The following SPATA13 variants were observed in gnomAD, a reference collection of about 807,000 sequenced individuals.
SPATA13 encodes spermatogenesis associated 13.
Under a neutral mutation model 104.0 loss-of-function variants are expected in SPATA13, and 50 were observed. The observed-to-expected ratio is 0.48, with a 90% CI of 0.38 to 0.61. The LOEUF is 0.61. Ranked by LOEUF, SPATA13 falls within the 20% of genes least tolerant of loss-of-function variation. The probability of loss-of-function intolerance (pLI) is 0.00; values close to 1 mark genes in which losing one functional copy is unlikely to be tolerated. For missense variants in SPATA13, 1,524 were observed against 1,690.6 expected (o/e 0.90, Z 1.73); for synonymous variants, 606 against 667.5 (o/e 0.91, Z 1.42).
At chr13:24,048,082 G>C (rs12429462) in intron 3 of SPATA13, among the ~76,000 whole-genome samples, 5 of 152,192 alleles carry the variant, frequency 3.3e-5, no homozygotes, top group African/African-American at 1.2e-4. Flanking sequence ...TCCCACATTA[G>C]GGAGAGTGAG....
chr13:24,281,876 T>A (rs1438525718), intron 4 of SPATA13, among the ~76,000 whole-genome samples: 1 of 152,168 alleles, frequency 6.6e-6, no homozygotes, highest in Non-Finnish European at 1.5e-5. Flanking sequence ...TCCGTCCTGC[T>A]TCAAGAGCTC....
chr13:24,127,368 AC>A (rs1881252423), intron 3 of SPATA13, among the ~76,000 whole-genome samples: 2 of 152,202 alleles, frequency 1.3e-5, no homozygotes, highest in African/African-American at 4.8e-5. Flanking sequence ...GGAGTTGACA[AC>A]CAGCGTCATT....
intron 3 of SPATA13, among the ~76,000 whole-genome samples, chr13:24,118,796 A>G (rs1880936173): frequency 6.6e-6 from 1 of 152,230 alleles, no homozygotes; most frequent in Non-Finnish European, 1.5e-5. Context: ...AATAACAGCA[A>G]CAGGAAGAAG....
intron 2 of SPATA13, among the ~76,000 whole-genome samples, chr13:24,014,525 T>C (rs1337144735): frequency 3.3e-5 from 5 of 152,204 alleles, no homozygotes; most frequent in Non-Finnish European, 5.9e-5. Flanking sequence ...AGTCTTACAA[T>C]AAAGTAAGCT....
intron 3 of SPATA13, among the ~76,000 whole-genome samples, chr13:24,116,851 C>A (rs1880863589): frequency 6.6e-6 from 1 of 150,870 alleles, no homozygotes; most frequent in South Asian, 2.1e-4. Context: ...GAGGGTGGGA[C>A]TCTCATAATG....
chr13:24,017,659 C>A, intron 2 of SPATA13: 4 of 985,196 alleles, frequency 4.1e-6, no homozygotes, highest in Non-Finnish European at 4.8e-6. Flanking sequence ...CATTTTTTTC[C>A]TTTCCAGAGC....
chr13:24,288,442 T>C (rs1876111014), intron 7 of SPATA13, among the ~76,000 whole-genome samples: 1 of 152,212 alleles, frequency 6.6e-6, no homozygotes, highest in Non-Finnish European at 1.5e-5. Context: ...CTTATCCCAC[T>C]AGCTCCTACC....
chr13:24,193,530 C>T (rs762794541), intron 1 of SPATA13, among the ~76,000 whole-genome samples: 5 of 152,030 alleles, frequency 3.3e-5, no homozygotes, highest in Non-Finnish European at 7.4e-5. Flanking sequence ...ATGTGGTGGT[C>T]GCTCAGGCAC....
chr13:24,094,939 C>T (rs1172398142), intron 3 of SPATA13, among the ~76,000 whole-genome samples: 2 of 152,206 alleles, frequency 1.3e-5, no homozygotes, highest in Non-Finnish European at 2.9e-5. Flanking sequence ...AAATTGGAAC[C>T]CTTGTGTGCT....
intron 1 of SPATA13, among the ~76,000 whole-genome samples, chr13:24,191,175 G>T (rs889577431): frequency 1.3e-5 from 2 of 151,968 alleles, no homozygotes; most frequent in South Asian, 4.1e-4. Context: ...AGCATCTCTC[G>T]ATATTGCCTA....
intron 3 of SPATA13, among the ~76,000 whole-genome samples, chr13:24,067,419 G>A (rs1211293582): frequency 6.6e-6 from 1 of 152,142 alleles, no homozygotes; most frequent in Non-Finnish European, 1.5e-5. Context: ...TCAAAACTGG[G>A]TGTCTTCATA....
rs1566130242 is a variant in SPATA13, at chr13:24,168,849, A to AGTTAAAT, written c.-112+7917_-112+7918insGTTAAAT. On this transcript the variant is annotated intron_variant, in intron 1 of 12. Coordinates refer to ENST00000382108, the MANE Select transcript of SPATA13 (RefSeq NM_001166271.3). ...GTTAAAATCCATTTTAATTTTAAAA[A>AGTTAAAT]TTTGAAGTTAAATAATTCAAAATAT... is the stretch of plus-strand genomic sequence containing the variant. Among the ~76,000 whole-genome samples the AGTTAAAT allele has an allele frequency of 2.9e-3, 448 of 152,300 alleles. 2 individuals carry two copies. Among genetic ancestry groups the AGTTAAAT allele is most frequent in the African/African-American group, 0.01 (434 of 41,554 alleles).
chr13:24,185,776 T>A (rs9578687), intron 1 of SPATA13, among the ~76,000 whole-genome samples: 1 of 150,628 alleles, frequency 6.6e-6, no homozygotes. Context: ...GAGAAAGAAC[T>A]AAAAGAATGT....
chr13:24,040,633 G>T (rs980999399), intron 3 of SPATA13, among the ~76,000 whole-genome samples: 2 of 152,082 alleles, frequency 1.3e-5, no homozygotes, highest in Non-Finnish European at 1.5e-5. Context: ...CACCAATTTT[G>T]TAAAGTTCAG....
intron 4 of SPATA13, among the ~76,000 whole-genome samples, chr13:24,258,104 G>A (rs1314444986): frequency 3.9e-5 from 6 of 152,030 alleles, no homozygotes; most frequent in African/African-American, 7.2e-5. Context: ...GTGTGGTGGC[G>A]CATGCCTGTA....
At chr13:24,196,901 A>AG (rs1373236396) in intron 1 of SPATA13, among the ~76,000 whole-genome samples, 1 of 144,106 alleles carries the variant, frequency 6.9e-6, no homozygotes, top group African/African-American at 3.0e-5. Context: ...TGGATTGGCT[A>AG]GAAAAAAAAA....
intron 7 of SPATA13, among the ~76,000 whole-genome samples, chr13:24,287,381 A>G (rs57082953): frequency 1.4e-3 from 207 of 152,318 alleles, no homozygotes; most frequent in African/African-American, 4.8e-3. Flanking sequence ...GAGGCTGGTC[A>G]CGAACTCATG....
At position 24,123,699 on chromosome 13, in the gene SPATA13, A is replaced by C. The variant is rs1342974617; in HGVS notation, c.-111-99120A>C. 4 of 1,572,300 alleles carry C rather than the reference A, an allele frequency of 2.5e-6. No homozygotes were observed. In the East Asian group the frequency reaches 9.0e-5, roughly 35 times the overall value. ...ATATTCGTAAGGGTCTTCTTGCCAA[A>C]GTTCCTCATCAGCATCTGTATAGCA... On this transcript the variant is annotated intron_variant, in intron 3 of 14. Coordinates refer to the SPATA13 transcript ENST00000424834.
intron 3 of SPATA13, among the ~76,000 whole-genome samples, chr13:24,134,811 C>G (rs1270635950): frequency 6.6e-6 from 1 of 152,100 alleles, no homozygotes; most frequent in African/African-American, 2.4e-5. Flanking sequence ...CAGAATGTGT[C>G]CCCCAAAATT....
Sources: allele counts gnomAD v4.1 joint callset (sites outside exome capture counted in the v4.1 genomes callset), GRCh38; gene constraint gnomAD v4.1.1; transcripts MANE v1.5; gene names NCBI Gene and HGNC (gene_info 2026-07-23, HGNC 2026-07-21).